The following ITGAV variants were observed in gnomAD, a reference collection of about 807,000 sequenced individuals.
The protein encoded by ITGAV is integrin subunit alpha V, also known as integrin alpha-V.
Under a neutral mutation model 143.8 loss-of-function variants are expected in ITGAV, and 76 were observed. That is an observed-to-expected ratio of 0.53 (90% CI 0.44 to 0.64). The LOEUF (loss-of-function observed/expected upper bound fraction) is 0.64, where lower values mean the gene tolerates loss of function less well. Among genes scored for constraint, ITGAV ranks in the 30% least tolerant of loss-of-function variants. ITGAV has a pLI of 0.00. For synonymous variants in ITGAV, 453 were observed against 446.7 expected, an observed-to-expected ratio of 1.01 and a Z score of -0.18; for missense variants, 1,193 against 1,274.7, an observed-to-expected ratio of 0.94 and a Z score of 0.98.
rs752575643 is a variant in ITGAV at position 186,652,092 on chromosome 2, A to G, written c.1505+3A>G. Reference sequence around the variant, plus strand: ...GGAACAGCTCTCAAAGTTTCCTGGTAAGGGTATTTGTTTAATAATAGTTAT... The same window carrying G: ...GGAACAGCTCTCAAAGTTTCCTGGTGAGGGTATTTGTTTAATAATAGTTAT... On this transcript the variant is annotated splice_donor_region_variant and intron_variant, in intron 15 of 29. Coordinates refer to ENST00000261023, the MANE Select transcript of ITGAV (RefSeq NM_002210.5). 2 of 1,539,680 alleles carry G rather than the reference A, an allele frequency of 1.3e-6. No individual in the cohort carries two copies. The highest frequency in any genetic ancestry group is 2.2e-5 in the East Asian group (1 of 44,536).
chr2:186,645,174 A>AT (rs1688220135), intron 12 of ITGAV, among the ~76,000 whole-genome samples: 1 of 152,170 alleles, frequency 6.6e-6, no homozygotes, highest in African/African-American at 2.4e-5. Flanking sequence ...AGGTAATATA[A>AT]TAGAGTTTCG....
chr2:186,633,313 G>T lies in ITGAV; in HGVS notation c.586-16G>T, dbSNP rs1323617779. The stretch of plus-strand genomic sequence containing the variant: ...TTCTTTAAATATATATCTTTTTGTT[G>T]TGTGATTTCATCTAGGCTGACAGAG... On this transcript the variant is annotated splice_polypyrimidine_tract_variant and intron_variant, in intron 5 of 29. Transcript: ENST00000261023. The T allele has an allele frequency of 6.5e-7, 1 of 1,539,636 alleles. No individual in the cohort carries two copies. The highest frequency in any genetic ancestry group is 1.4e-5 in the African/African-American group (1 of 72,762).
At chr2:186,662,670 A>G (rs184991047) in intron 18 of ITGAV, among the ~76,000 whole-genome samples, 8 of 152,382 alleles carry the variant, frequency 5.2e-5, no homozygotes, top group Non-Finnish European at 1.2e-4. Context: ...CTAAAAGTAT[A>G]TAATACATTC....
At chr2:186,605,167 G>A (rs1417944350) in intron 2 of ITGAV, among the ~76,000 whole-genome samples, 2 of 152,220 alleles carry the variant, frequency 1.3e-5, no homozygotes, top group African/African-American at 2.4e-5. Context: ...AGAATACTAG[G>A]TGTAGAGAGC....
intron 2 of ITGAV, among the ~76,000 whole-genome samples, chr2:186,618,041 G>C (rs931400923): frequency 6.6e-6 from 1 of 152,194 alleles, no homozygotes; most frequent in African/African-American, 2.4e-5. Context: ...ATAGCTGCCA[G>C]TTTCACCCAG....
intron 2 of ITGAV, among the ~76,000 whole-genome samples, chr2:186,612,466 G>A (rs1687242219): frequency 2.0e-5 from 3 of 151,964 alleles, no homozygotes; most frequent in Admixed American, 6.6e-5. Context: ...ATACAGAAGG[G>A]CAGAGGTCAG....
intron 2 of ITGAV, among the ~76,000 whole-genome samples, chr2:186,613,877 A>G (rs1687283130): frequency 1.3e-5 from 2 of 152,056 alleles, no homozygotes; most frequent in Admixed American, 1.3e-4. Flanking sequence ...ATTTTATGCA[A>G]TATTCTACTC....
intron 12 of ITGAV, among the ~76,000 whole-genome samples, chr2:186,642,526 C>CTTTTTTTTCTTTTTTTTTTTT (rs1688135341): frequency 7.8e-6 from 1 of 127,482 alleles, no homozygotes; most frequent in Non-Finnish European, 1.6e-5. Flanking sequence ...TTGTTTCTTT[C>CTTTTTTTTCTTTTTTTTTTTT]TTTTTTTTCT....
chr2:186,677,633 A>T lies in ITGAV; in HGVS notation c.*341A>T. On this transcript the variant is annotated 3_prime_UTR_variant, in exon 30 of 30. Coordinates refer to ENST00000261023, the MANE Select transcript of ITGAV (RefSeq NM_002210.5). ...TACTGTTTCTGATTTAATGTACGGAACTTTATTTGTTGTTGTTGTTGTTGT... is the reference window on the plus strand; with the variant it reads ...TACTGTTTCTGATTTAATGTACGGATCTTTATTTGTTGTTGTTGTTGTTGT... 1 of 190,264 alleles carries T rather than the reference A, an allele frequency of 5.3e-6. No homozygotes were observed. The allele number at this position is 190,264 out of a possible 1,614,324, so 11.8% of individuals were successfully genotyped here.
intron 12 of ITGAV, among the ~76,000 whole-genome samples, chr2:186,644,526 A>G (rs1044184874): frequency 2.0e-5 from 3 of 151,148 alleles, no homozygotes; most frequent in Non-Finnish European, 2.9e-5. Context: ...GAGTTTCACC[A>G]TGTTGGCCAG....
intron 2 of ITGAV, 35 bp downstream of exon 2, chr2:186,602,186 T>A: frequency 6.3e-7 from 1 of 1,588,370 alleles, no homozygotes; most frequent in Non-Finnish European, 8.6e-7. Context: ...TTTCATTGAT[T>A]TCATTTGATT....
At chr2:186,657,036 A>G (rs1458483461) in intron 17 of ITGAV, among the ~76,000 whole-genome samples, 1 of 151,748 alleles carries the variant, frequency 6.6e-6, no homozygotes, top group African/African-American at 2.4e-5. Flanking sequence ...AAGCCACTAG[A>G]AGAAGCATCA....
At chr2:186,657,115 C>T (rs1017196250) in intron 17 of ITGAV, among the ~76,000 whole-genome samples, 1 of 152,018 alleles carries the variant, frequency 6.6e-6, no homozygotes, top group Non-Finnish European at 1.5e-5. Flanking sequence ...AATAAAGGGC[C>T]TGGGCACAGT....
intron 2 of ITGAV, among the ~76,000 whole-genome samples, chr2:186,621,959 T>G (rs1687538020): frequency 6.6e-6 from 1 of 152,228 alleles, no homozygotes; most frequent in African/African-American, 2.4e-5. Context: ...AGGTGTTTCA[T>G]AGCATTTAAT....
At position 186,667,776 on chromosome 2, in the gene ITGAV, G is replaced by T; in HGVS notation, c.2433G>T (p.Glu811Asp). ...DVGPVVQHIY[E>D]LRNNGPSSFS... ...GGCCAGTTGTTCAGCACATCTATGA[G>T]GTTTGCAGTTGTTAGATTTTACTCA... Residue 811 changes from glutamate to aspartate, a missense_variant and splice_region_variant, in exon 24 of 30, where the codon GAG (glutamate) becomes GAT (aspartate). By Grantham distance (45) the Glu-to-Asp change is conservative. Transcript: ENST00000261023. 6.3e-7 allele frequency: 1 copy of T among 1,585,882 alleles called. No individual in the cohort carries two copies. The highest frequency in any genetic ancestry group is 8.6e-7 in the Non-Finnish European group (1 of 1,161,272).
chr2:186,594,556 G>A (rs534281072), intron 1 of ITGAV, among the ~76,000 whole-genome samples: 124 of 152,234 alleles, frequency 8.1e-4, no homozygotes, highest in African/African-American at 2.8e-3. Context: ...GCTCTTAAAC[G>A]TGCAGAACAT....
At chr2:186,593,319 A>G (rs1159413187) in intron 1 of ITGAV, among the ~76,000 whole-genome samples, 1 of 152,206 alleles carries the variant, frequency 6.6e-6, no homozygotes, top group Non-Finnish European at 1.5e-5. Flanking sequence ...TAATGAATCA[A>G]TATTTATTAA....
intron 2 of ITGAV, among the ~76,000 whole-genome samples, chr2:186,619,600 G>A (rs999001545): frequency 2.0e-5 from 3 of 152,166 alleles, no homozygotes; most frequent in African/African-American, 7.2e-5. Context: ...GGTGATGAAC[G>A]TGCTTATTAC....
At chr2:186,619,021 G>A (rs1687446558) in intron 2 of ITGAV, among the ~76,000 whole-genome samples, 1 of 151,672 alleles carries the variant, frequency 6.6e-6, no homozygotes, top group Non-Finnish European at 1.5e-5. Flanking sequence ...AACAACAGAT[G>A]AATGGATAAA....
Sources: allele counts gnomAD v4.1 joint callset (sites outside exome capture counted in the v4.1 genomes callset), GRCh38; gene constraint gnomAD v4.1.1; transcripts MANE v1.5; gene names NCBI Gene and HGNC (gene_info 2026-07-23, HGNC 2026-07-21).